Variants in SLC4A1AP observed in about 807,000 individuals in gnomAD.
The protein encoded by SLC4A1AP is solute carrier family 4 member 1 adaptor protein.
Under a neutral mutation model 89.7 loss-of-function variants are expected in SLC4A1AP, and 64 were observed. The ratio of observed to expected loss-of-function variants is 0.71; its 90% confidence interval spans 0.58 to 0.88. The LOEUF (loss-of-function observed/expected upper bound fraction) is 0.88, where lower values mean the gene tolerates loss of function less well. Ranked by LOEUF, SLC4A1AP falls within the 40% of genes least tolerant of loss-of-function variation. SLC4A1AP has a pLI of 0.00. For synonymous variants in SLC4A1AP, 366 were observed against 353.3 expected (o/e 1.04, Z -0.40); for missense variants, 931 against 965.0 (o/e 0.96, Z 0.47).
intron 12 of SLC4A1AP, chr2:27,692,864 T>TTA (rs1675810384): frequency 6.6e-6 from 1 of 152,178 alleles, no homozygotes; most frequent in Non-Finnish European, 1.5e-5. Context: ...TCCTTTACCT[T>TTA]TAGTCTATAA....
rs1675432183 is a variant in SLC4A1AP, at chr2:27,671,890, A to G, written c.1345+2503A>G. ...AGTGTATAGGAAATAAATTTTATTA[A>G]TCCTTCTCTTCTGAAAATATAATTA... On this transcript the variant is annotated intron_variant, in intron 5 of 13. Coordinates refer to ENST00000613058, the Ensembl canonical transcript of SLC4A1AP. Among the ~76,000 whole-genome samples the G allele has an allele frequency of 2.0e-5, 3 of 152,156 alleles. 1 individual carries two copies. The South Asian group carries it at 6.2e-4, about 31-fold the overall frequency.
At chr2:27,680,977 C>T (rs1407815589) in intron 8 of SLC4A1AP, among the ~76,000 whole-genome samples, 1 of 152,032 alleles carries the variant, frequency 6.6e-6, no homozygotes, top group East Asian at 1.9e-4. Context: ...CTTCTTCCTC[C>T]TCTTTTCACT....
chr2:27,666,330 T>C, intron 2 of SLC4A1AP, among the ~76,000 whole-genome samples: 1 of 118,172 alleles, frequency 8.5e-6, no homozygotes, highest in Non-Finnish European at 1.7e-5. Context: ...AGGCTGGTCT[T>C]GAACTCCTGA....
At chr2:27,670,730 A>G (rs1675412413) in intron 5 of SLC4A1AP, among the ~76,000 whole-genome samples, 1 of 151,580 alleles carries the variant, frequency 6.6e-6, no homozygotes, top group Admixed American at 6.6e-5. Flanking sequence ...GTGTGGTGGC[A>G]GGTGCCTGTA....
At chr2:27,687,881 C>G in intron 10 of SLC4A1AP, 53 bp from the exon 11 acceptor site, 1 of 1,423,570 alleles carries the variant, frequency 7.0e-7, no homozygotes. Context: ...GTTTGTTTGG[C>G]TTTCCACCAT....
rs949700067 is a variant in SLC4A1AP, at chr2:27,688,497, T to G, written c.2204-203T>G. On this transcript the variant is annotated intron_variant, in intron 11 of 13. Coordinates refer to ENST00000613058, the Ensembl canonical transcript of SLC4A1AP. ...TTATATTCAAACTTGTAGAACAGCC[T>G]TAGGATTTAAAAACTAGGGTTATTC... 1.1e-4 allele frequency among the ~76,000 whole-genome samples: 16 copies of G among 152,338 alleles called. No individual in the cohort carries two copies. The South Asian group carries it at 1.7e-3, about 16-fold the overall frequency.
chr2:27,664,830 G>A (rs1278332043), intron 1 of SLC4A1AP, among the ~76,000 whole-genome samples: 6 of 152,146 alleles, frequency 3.9e-5, no homozygotes, highest in African/African-American at 1.4e-4. Flanking sequence ...CACTTTGGGA[G>A]GCCCAGGCGG....
intron 12 of SLC4A1AP, among the ~76,000 whole-genome samples, chr2:27,691,041 A>G (rs1675779482): frequency 6.6e-6 from 1 of 151,710 alleles, no homozygotes; most frequent in Non-Finnish European, 1.5e-5. Context: ...TATCAGGGCG[A>G]TATTAGCTTC....
At chr2:27,675,650 G>T (rs767624409) in exon 6 of SLC4A1AP, 5 of 1,601,666 alleles carry the variant, frequency 3.1e-6, no homozygotes, top group Non-Finnish European at 4.3e-6. Context: ...GAATGAAGAA[G>T]GCTGGCAAGA....
exon 8 of SLC4A1AP, chr2:27,677,768 T>C: frequency 6.2e-7 from 1 of 1,610,916 alleles, no homozygotes; most frequent in Non-Finnish European, 8.5e-7. Context: ...CAGGATTCTT[T>C]AGATGCGTTC....
chr2:27,685,804 A>C (rs1160682216), intron 10 of SLC4A1AP, among the ~76,000 whole-genome samples: 1 of 152,220 alleles, frequency 6.6e-6, no homozygotes, highest in Non-Finnish European at 1.5e-5. Context: ...TATTTGATGA[A>C]AAATGTTGAA....
At position 27,677,454 on chromosome 2, in the gene SLC4A1AP, A is replaced by G. The variant is rs902782635; in HGVS notation, c.1576+90A>G. On this transcript the variant is annotated intron_variant, in intron 7 of 13. Transcript: ENST00000613058. ...TACATTAGTTAATAAGAAATACCATACAGAATATGGAGCCTTTTAAAGGAG... is the reference window on the plus strand; with the variant it reads ...TACATTAGTTAATAAGAAATACCATGCAGAATATGGAGCCTTTTAAAGGAG... 3 of 875,298 alleles carry G rather than the reference A, an allele frequency of 3.4e-6. No individual in the cohort carries two copies. In the African/African-American group the frequency reaches 5.1e-5, roughly 15 times the overall value. 54.2% of individuals were successfully genotyped at this position (875,298 alleles called of 1,614,324 possible).
At chr2:27,667,498 G>A (rs1675349376) in intron 3 of SLC4A1AP, 108 bp downstream of exon 3, 2 of 1,075,964 alleles carry the variant, frequency 1.9e-6, no homozygotes, top group Non-Finnish European at 2.5e-6. Flanking sequence ...TTTTATTGCT[G>A]TCCTTCTTGT....
intron 4 of SLC4A1AP, 120 bp downstream of exon 4, chr2:27,669,023 T>G (rs1675379071): frequency 8.7e-7 from 1 of 1,151,276 alleles, no homozygotes; most frequent in Non-Finnish European, 1.3e-6. Flanking sequence ...TTTCTAAATT[T>G]GAGCCTTTAT....
At chr2:27,682,757 C>T (rs921720815) in intron 9 of SLC4A1AP, among the ~76,000 whole-genome samples, 2 of 152,106 alleles carry the variant, frequency 1.3e-5, no homozygotes, top group Non-Finnish European at 2.9e-5. Flanking sequence ...CTCTTGACCT[C>T]GTGATCCACC....
At chr2:27,664,499 C>T (rs763537907) in exon 1 of SLC4A1AP, 6 of 1,614,080 alleles carry the variant, frequency 3.7e-6, no homozygotes, top group Non-Finnish European at 4.2e-6. Context: ...AAACTCGCAT[C>T]CCACCTCGCA....
intron 6 of SLC4A1AP, 92 bp downstream of exon 6, chr2:27,675,784 T>G: frequency 1.1e-6 from 1 of 869,584 alleles, no homozygotes; most frequent in Non-Finnish European, 1.6e-6. Flanking sequence ...TGATAATTTT[T>G]AAAGTAGTAG....
chr2:27,690,594 C>T (rs1353299727), intron 12 of SLC4A1AP, among the ~76,000 whole-genome samples: 1 of 152,138 alleles, frequency 6.6e-6, no homozygotes, highest in African/African-American at 2.4e-5. Flanking sequence ...TCAAGTGATC[C>T]TCCCACCTCA....
intron 8 of SLC4A1AP, among the ~76,000 whole-genome samples, chr2:27,681,791 T>C (rs1010395393): frequency 3.9e-5 from 6 of 152,182 alleles, no homozygotes; most frequent in Admixed American, 2.0e-4. Flanking sequence ...CTGGGTATCC[T>C]GCATACTGTA....
Sources: gnomAD v4.1 joint callset for allele counts (sites outside exome capture counted in the v4.1 genomes callset) on GRCh38, gnomAD v4.1.1 for gene constraint, MANE v1.5 for transcripts, NCBI Gene and HGNC (gene_info 2026-07-23, HGNC 2026-07-21) for gene names.